DNAH3: variants seen among roughly 807,000 people sequenced by gnomAD.
DNAH3 encodes the protein axonemal beta dynein heavy chain 3.
A neutral mutation model predicts 432.5 loss-of-function variants in DNAH3; 332 were observed. The observed-to-expected ratio is 0.77, with a 90% CI of 0.70 to 0.84. The LOEUF is 0.84. Ranked by LOEUF, DNAH3 falls within the 40% of genes least tolerant of loss-of-function variation. The pLI is 0.00. For missense variants in DNAH3, 4,861 were observed against 5,114.0 expected (o/e 0.95, Z 1.51); for synonymous variants, 1,956 against 1,900.2 (o/e 1.03, Z -0.76).
chr16:21,033,836 T>C, intron 36 of DNAH3, 138 bp downstream of exon 36: 1 of 585,142 alleles, frequency 1.7e-6, no homozygotes, highest in Non-Finnish European at 3.0e-6. Context: ...TGCAGACATC[T>C]GTGTGCCATG....
At chr16:20,972,190 C>CT (rs1355693071) in intron 51 of DNAH3, among the ~76,000 whole-genome samples, 5 of 151,822 alleles carry the variant, frequency 3.3e-5, no homozygotes, top group Non-Finnish European at 5.9e-5. Context: ...CAAAGAAAAG[C>CT]TGAAAATTCA....
At chr16:20,975,954 A>C (rs2085568417) in intron 50 of DNAH3, among the ~76,000 whole-genome samples, 1 of 152,150 alleles carries the variant, frequency 6.6e-6, no homozygotes, top group Non-Finnish European at 1.5e-5. Flanking sequence ...CATGTTGGTC[A>C]AGCTGGTCTA....
intron 29 of DNAH3, 122 bp from the exon 30 acceptor site, chr16:21,050,140 C>A (rs2089893550): frequency 4.2e-6 from 3 of 712,810 alleles, no homozygotes; most frequent in Non-Finnish European, 6.9e-6. Flanking sequence ...GCAGTTTTTG[C>A]CATTGAAAGT....
chr16:21,128,800 A>G (rs982580633), intron 7 of DNAH3, among the ~76,000 whole-genome samples: 7 of 150,856 alleles, frequency 4.6e-5, no homozygotes, highest in Middle Eastern at 3.4e-3. Flanking sequence ...TCAAGGCTAC[A>G]GTGAGCCCTG....
Position 20,939,765 on chromosome 16 carries a change from T to C in DNAH3, c.11654+1636A>G, listed in dbSNP as rs1187875839. ...AGAATAGAGGCAGTAACACATGCAGTGTCTGGAGCAGCAAGACCTTGGTCT... is the reference window on the plus strand; with the variant it reads ...AGAATAGAGGCAGTAACACATGCAGCGTCTGGAGCAGCAAGACCTTGGTCT... On this transcript the variant is annotated intron_variant, in intron 59 of 61. Coordinates refer to ENST00000261383, the Ensembl canonical transcript of DNAH3. Among the ~76,000 whole-genome samples, 6 of 152,274 alleles carry C rather than the reference T, an allele frequency of 3.9e-5. No individual in the cohort carries two copies. The South Asian group carries it at 8.3e-4, about 21-fold the overall frequency.
At chr16:21,140,737 T>C in intron 4 of DNAH3, 27 bp from the exon 6 acceptor site, 1 of 1,610,756 alleles carries the variant, frequency 6.2e-7, no homozygotes, top group African/African-American at 1.3e-5. Flanking sequence ...GCTCAGCCCT[T>C]GGTGTTTGGT....
chr16:21,001,047 G>A (rs1180853392), intron 42 of DNAH3, among the ~76,000 whole-genome samples: 2 of 152,200 alleles, frequency 1.3e-5, no homozygotes, highest in East Asian at 3.8e-4. Context: ...GGGCTTAAGT[G>A]TGATCCTGAA....
intron 18 of DNAH3, among the ~76,000 whole-genome samples, chr16:21,090,474 T>C (rs1166624127): frequency 6.6e-6 from 1 of 151,414 alleles, no homozygotes; most frequent in Non-Finnish European, 1.5e-5. Flanking sequence ...ATGAAAATAA[T>C]AATACACCAT....
chr16:20,965,045 T>A (rs759346634), exon 53 of DNAH3: 1 of 1,614,134 alleles, frequency 6.2e-7, no homozygotes, highest in Non-Finnish European at 8.5e-7. Context: ...TTCTTGGTGT[T>A]CATCTCTTCA....
At chr16:21,092,373 T>C (rs556578334) in intron 18 of DNAH3, among the ~76,000 whole-genome samples, 4 of 152,126 alleles carry the variant, frequency 2.6e-5, no homozygotes, top group African/African-American at 9.6e-5. Flanking sequence ...AGAGAAAAGA[T>C]AGCCTTTTCA....
rs1009276515 is a variant in DNAH3, at chr16:21,051,577, G to T, written c.4238+93C>A. 1.0e-5 allele frequency: 13 copies of T among 1,301,314 alleles called. No individual in the cohort carries two copies. In the African/African-American group the frequency reaches 1.5e-4, roughly 15 times the overall value. 80.6% of individuals were successfully genotyped at this position (1,301,314 alleles called of 1,614,324 possible). ...AATAATCTGAAGTGTGAAGGGTAAA[G>T]GTAACCCAAGACATCCCTAACTTTC... On this transcript the variant is annotated intron_variant, in intron 29 of 61. Transcript: ENST00000261383.
intron 20 of DNAH3, among the ~76,000 whole-genome samples, chr16:21,076,754 T>C (rs1393222077): frequency 1.3e-5 from 2 of 152,216 alleles, no homozygotes; most frequent in African/African-American, 2.4e-5. Flanking sequence ...CTTACCATTG[T>C]GCTACTGCCC....
chr16:21,014,193 A>C (rs1480358847), intron 41 of DNAH3, among the ~76,000 whole-genome samples: 1 of 152,224 alleles, frequency 6.6e-6, no homozygotes, highest in Non-Finnish European at 1.5e-5. Context: ...TCATCAAAAT[A>C]TTAGCAAATC....
intron 40 of DNAH3, among the ~76,000 whole-genome samples, chr16:21,020,348 G>GTGTGTGTATATATATATATA: frequency 4.9e-4 from 34 of 69,156 alleles, no homozygotes; most frequent in South Asian, 1.9e-3. Flanking sequence ...TATAGTGTGT[G>GTGTGTGTATATATATATATA]TATATATATA....
At position 20,964,092 on chromosome 16, in the gene DNAH3, G is replaced by C. The variant is rs749259138; in HGVS notation, c.9792C>G (p.Ser3264=). The change falls in exon 53 of 62, where the codon TCC becomes TCG. Residue 3264 remains serine, a synonymous_variant. Coordinates refer to ENST00000261383, the Ensembl canonical transcript of DNAH3. ...TCTCTTCAGATAGCACTTTGGAGGA[G>C]GACAGAACTTTGATGGCGGTTTCAT... is the stretch of plus-strand genomic sequence containing the variant. The C allele has an allele frequency of 8.1e-6, 13 of 1,614,040 alleles. No individual in the cohort carries two copies. The Admixed American group carries it at 2.0e-4, about 25-fold the overall frequency.
intron 20 of DNAH3, among the ~76,000 whole-genome samples, chr16:21,076,369 C>T (rs1567748705): frequency 6.6e-6 from 1 of 152,114 alleles, no homozygotes; most frequent in Non-Finnish European, 1.5e-5. Context: ...ACAACTTGGC[C>T]TTGGACTTTA....
chr16:21,054,146 T>C (rs1343650428), intron 28 of DNAH3, among the ~76,000 whole-genome samples: 1 of 152,192 alleles, frequency 6.6e-6, no homozygotes, highest in African/African-American at 2.4e-5. Flanking sequence ...AGGAAATGAT[T>C]CCACGTTGGT....
At chr16:21,046,280 A>C (rs2152738951) in intron 31 of DNAH3, among the ~76,000 whole-genome samples, 1 of 145,610 alleles carries the variant, frequency 6.9e-6, no homozygotes, top group South Asian at 2.4e-4. Flanking sequence ...TGGGGTGTTA[A>C]AGTCTCCCAT....
chr16:21,152,933 T>G (rs12597357), intron 1 of DNAH3, among the ~76,000 whole-genome samples: 71,935 of 152,022 alleles, frequency 0.47, 17,521 homozygotes, highest in East Asian at 0.68. Flanking sequence ...CGCCACCCCC[T>G]GCTCCACGGC....
Sources: allele counts gnomAD v4.1 joint callset (sites outside exome capture counted in the v4.1 genomes callset), GRCh38; gene constraint gnomAD v4.1.1; transcripts MANE v1.5; gene names NCBI Gene and HGNC (gene_info 2026-07-23, HGNC 2026-07-21).